Variants in LTN1 observed in about 807,000 individuals in gnomAD.
LTN1 encodes listerin E3 ubiquitin protein ligase 1, also known as E3 ubiquitin-protein ligase listerin.
In LTN1, 88 loss-of-function variants were observed where a neutral mutation model predicts 201.2. The ratio of observed to expected loss-of-function variants is 0.44; its 90% CI spans 0.37 to 0.52. The LOEUF (loss-of-function observed/expected upper bound fraction) is 0.52. Among genes scored for constraint, LTN1 ranks in the 20% least tolerant of loss-of-function variants. The probability of loss-of-function intolerance (pLI) is 0.00; values close to 1 mark genes in which losing one functional copy is unlikely to be tolerated. For synonymous variants in LTN1, 645 were observed against 713.5 expected (o/e 0.90, Z 1.53); for missense variants, 1,752 against 2,038.7 (o/e 0.86, Z 2.71).
chr21:28,967,489 CG>C, intron 9 of LTN1: 1 of 217,424 alleles, frequency 4.6e-6, no homozygotes, highest in African/African-American at 2.3e-5. Flanking sequence ...TCCATAAAAA[CG>C]CAAGAAAGAC....
intron 25 of LTN1, among the ~76,000 whole-genome samples, chr21:28,937,668 G>A (rs2084266994): frequency 6.6e-6 from 1 of 152,036 alleles, no homozygotes; most frequent in South Asian, 2.1e-4. Context: ...TCCCAAATCT[G>A]AAAATCCAAA....
Position 28,970,666 on chromosome 21 carries a change from C to T in LTN1, c.1061G>A (p.Gly354Asp), listed in dbSNP as rs1425061025. The change falls in exon 8 of 30, where the codon GGT becomes GAT. Residue 354 changes from glycine (G) to aspartate (D), a missense_variant. Gly to Asp is a moderately conservative substitution (Grantham distance 94). This residue lies in a region of LTN1 where 1,211 missense variants were observed against 1,312.8 expected (regional missense o/e 0.92). Transcript: ENST00000361371. The stretch of plus-strand genomic sequence containing the variant: ...GTAAGGATATATGACAGTAGCTAGA[C>T]CCCGACCACCTTCACGAATCACAGT... ...LSTVIREGGRGLATVIYPYLL... is the reference protein window; with the variant it reads ...LSTVIREGGRDLATVIYPYLL... The T allele has an allele frequency of 1.2e-6, 2 of 1,613,826 alleles. No individual in the cohort carries two copies. Among genetic ancestry groups the T allele is most frequent in the Admixed American group, 1.7e-5 (1 of 59,994 alleles).
intron 4 of LTN1, among the ~76,000 whole-genome samples, chr21:28,983,318 T>C (rs1479249420): frequency 6.6e-6 from 1 of 152,242 alleles, no homozygotes; most frequent in Non-Finnish European, 1.5e-5. Context: ...GCCAAACTAG[T>C]TGTCTCAAAA....
Position 28,984,992 on chromosome 21 carries a change from T to G in LTN1, c.346-70A>C, listed in dbSNP as rs1405750969. ...AAACAATCACAGACATTTCCGGATA[T>G]GCTATAATGACCCATTACCAAGAAT... On this transcript the variant is annotated intron_variant, in intron 3 of 29. Coordinates refer to ENST00000361371, the MANE Select transcript of LTN1 (RefSeq NM_015565.3). 21 of 1,042,166 alleles carry G rather than the reference T, an allele frequency of 2.0e-5. 1 individual carries two copies. In the East Asian group the frequency reaches 4.4e-4, roughly 22 times the overall value. The allele number at this position is 1,042,166 out of a possible 1,614,324, so 64.6% of individuals were successfully genotyped here.
chr21:28,946,399 A>G (rs954617093), intron 19 of LTN1, 112 bp from the exon 20 acceptor site: 2 of 644,702 alleles, frequency 3.1e-6, no homozygotes, highest in Middle Eastern at 8.8e-4. Flanking sequence ...GTTCAGGTTA[A>G]GAACTCTAAT....
chr21:28,930,565 A>T, intron 29 of LTN1, 55 bp from the exon 30 acceptor site: 1 of 1,143,666 alleles, frequency 8.7e-7, no homozygotes. Context: ...CTCCTCTAAC[A>T]TACATCATAA....
In LTN1 at chr21:28,958,439, C is replaced by A. The variant is rs749739292; in HGVS notation, c.2694G>T (p.Leu898Phe). 29 of 1,611,400 alleles carry A rather than the reference C, an allele frequency of 1.8e-5. No individual in the cohort carries two copies. In the East Asian group the frequency reaches 4.9e-4, roughly 27 times the overall value. Residue 898 changes from leucine to phenylalanine, a missense_variant, in exon 14 of 30, where the codon TTG (leucine) becomes TTT (phenylalanine). Around this residue, in one of 3 missense-constraint regions of LTN1, gnomAD observed 1,211 missense variants for 1,312.8 expected, o/e 0.92. Coordinates refer to ENST00000361371, the MANE Select transcript of LTN1 (RefSeq NM_015565.3). ...SSYKESTFLHLSALWLKNQVQ... is the reference protein window; with the variant it reads ...SSYKESTFLHFSALWLKNQVQ... ...CTTGGTTCTTCAGCCACAGAGCAGA[C>A]AAATGTAGGAAGGTACTCTCTTTAT...
intron 10 of LTN1, 60 bp from the exon 11 acceptor site, chr21:28,965,966 G>A (rs898038509): frequency 4.1e-6 from 4 of 967,788 alleles, no homozygotes; most frequent in African/African-American, 9.4e-5. Flanking sequence ...TTGAGATGGG[G>A]TTTTGTATGT....
At chr21:28,971,731 A>G (rs1334932229) in intron 6 of LTN1, among the ~76,000 whole-genome samples, 1 of 152,200 alleles carries the variant, frequency 6.6e-6, no homozygotes, top group Non-Finnish European at 1.5e-5. Context: ...CCTCCATTAT[A>G]GCCAAACAAA....
Position 28,952,169 on chromosome 21 carries a change from C to A in LTN1, c.3335G>T (p.Arg1112Ile). 6.3e-7 allele frequency: 1 copy of A among 1,582,744 alleles called. No individual in the cohort carries two copies. Among genetic ancestry groups the A allele is most frequent in the Non-Finnish European group, 8.6e-7 (1 of 1,160,746 alleles). ...SSDEVKPHYKRKESFFPLTEG... is the reference protein window; with the variant it reads ...SSDEVKPHYKIKESFFPLTEG... ...TTTTAAATAAGAATACCTTTCTTTT[C>A]TCTTATAATGTGGTTTTACTTCATC... Residue 1112 changes from arginine to isoleucine, a missense_variant, in exon 18 of 30, where the codon AGA (arginine) becomes ATA (isoleucine). Coordinates refer to ENST00000361371, the MANE Select transcript of LTN1 (RefSeq NM_015565.3).
In LTN1 at chr21:28,992,877, T is replaced by C. The variant is rs1476629343; in HGVS notation, c.-72A>G. ...CGTCCGGGACACAACTTCCGGCTTCTGGCGGCGGAAGAGGACACCCTGTAA... is the reference window on the plus strand; with the variant it reads ...CGTCCGGGACACAACTTCCGGCTTCCGGCGGCGGAAGAGGACACCCTGTAA... On this transcript the variant is annotated 5_prime_UTR_variant, in exon 1 of 30. Transcript: ENST00000361371. 2 of 1,611,838 alleles carry C rather than the reference T, an allele frequency of 1.2e-6. No individual in the cohort carries two copies. Among genetic ancestry groups the C allele is most frequent in the African/African-American group, 1.3e-5 (1 of 74,886 alleles).
intron 16 of LTN1, 86 bp downstream of exon 16, chr21:28,956,676 G>T: frequency 3.1e-6 from 2 of 650,286 alleles, no homozygotes; most frequent in Non-Finnish European, 4.6e-6. Context: ...TTGAATTAAA[G>T]ATTTAAACTG....
chr21:28,981,021 G>A lies in LTN1; in HGVS notation c.810+98C>T, dbSNP rs751230566. On this transcript the variant is annotated intron_variant, in intron 6 of 29. Transcript: ENST00000361371. Reference sequence around the variant, plus strand: ...AATAGCCTACCACACAGATGTGCTTGCAGAGTTCTAAGTATAAACAATAAA... The same window carrying A: ...AATAGCCTACCACACAGATGTGCTTACAGAGTTCTAAGTATAAACAATAAA... 27 of 643,096 alleles carry A rather than the reference G, an allele frequency of 4.2e-5. No individual in the cohort carries two copies. The African/African-American group carries it at 4.7e-4, about 11-fold the overall frequency. 39.8% of individuals were successfully genotyped at this position (643,096 alleles called of 1,614,324 possible).
chr21:28,956,889 T>C lies in LTN1; in HGVS notation c.2952A>G (p.Thr984=). Residue 984 remains threonine (T), a synonymous_variant, in exon 16 of 30, where the codon ACA becomes ACG. Transcript: ENST00000361371. ...TCTTTATGTCCTGTTCCTTAAAATCTGTTTTGAAACATTCATAATTCAAAC... is the reference window on the plus strand; with the variant it reads ...TCTTTATGTCCTGTTCCTTAAAATCCGTTTTGAAACATTCATAATTCAAAC... ...RLSLNYECFK[T]DFKEQDIKTL... is the part of the protein sequence containing the mutation. The C allele has an allele frequency of 1.2e-6, 2 of 1,611,294 alleles. No homozygotes were observed. The highest frequency in any genetic ancestry group is 1.7e-6 in the Non-Finnish European group (2 of 1,178,496).
chr21:28,946,319 T>C (rs746331723), intron 19 of LTN1, 32 bp from the exon 20 acceptor site: 56 of 1,473,046 alleles, frequency 3.8e-5, no homozygotes, highest in Non-Finnish European at 4.7e-5. Context: ...AAATTAAAAA[T>C]ATTTAAGAAC....
Position 28,956,762 on chromosome 21 carries a change from T to G in LTN1, c.3079A>C (p.Ile1027Leu). 1 of 1,562,790 alleles carries G rather than the reference T, an allele frequency of 6.4e-7. No individual in the cohort carries two copies. The highest frequency in any genetic ancestry group is 8.7e-7 in the Non-Finnish European group (1 of 1,145,064). ...VLENNELEKI[I>L]AELLYSLQWC... is the part of the protein sequence containing the mutation. ...TATGTAAATACTCATATATACTTAC[T>G]TATTTTCTCAAGCTCATTATTTTCT... is the stretch of plus-strand genomic sequence containing the variant. Residue 1027 changes from isoleucine (I) to leucine (L), a missense_variant and splice_region_variant, in exon 16 of 30, where the codon ATT (isoleucine) becomes CTT (leucine). Coordinates refer to ENST00000361371, the MANE Select transcript of LTN1 (RefSeq NM_015565.3).
rs182833252 is a variant in LTN1 at position 28,946,492 on chromosome 21, C to T, written c.3488-205G>A. ...CTGTCTCCAAACCCAGCACCTAGCACACAATAGAGAATTTGGGGGAGGAGA... is the reference window on the plus strand; with the variant it reads ...CTGTCTCCAAACCCAGCACCTAGCATACAATAGAGAATTTGGGGGAGGAGA... On this transcript the variant is annotated intron_variant, in intron 19 of 29. Transcript: ENST00000361371. Among the ~76,000 whole-genome samples the T allele has an allele frequency of 3.2e-3, 492 of 152,214 alleles. 2 individuals carry two copies. Among genetic ancestry groups the T allele is most frequent in the Non-Finnish European group, 5.4e-3 (370 of 67,992 alleles).
chr21:28,937,061 C>T (rs2084262338), intron 25 of LTN1, among the ~76,000 whole-genome samples: 1 of 152,194 alleles, frequency 6.6e-6, no homozygotes, highest in African/African-American at 2.4e-5. Context: ...ACTCCGACAT[C>T]CCTTTACGAC....
At chr21:28,964,325 T>C (rs2084503463) in intron 11 of LTN1, among the ~76,000 whole-genome samples, 1 of 152,204 alleles carries the variant, frequency 6.6e-6, no homozygotes, top group East Asian at 1.9e-4. Context: ...ACCACCCTGG[T>C]CAGTCAGCAG....
Sources: gnomAD v4.1 joint callset for allele counts (sites outside exome capture counted in the v4.1 genomes callset) on GRCh38, gnomAD v4.1.1 for gene constraint, gnomAD v4.1.1 regional missense constraint, MANE v1.5 for transcripts, NCBI Gene and HGNC (gene_info 2026-07-23, HGNC 2026-07-21) for gene names.